The following GNL3L variants were observed in gnomAD, a reference collection of about 807,000 sequenced individuals.
GNL3L encodes the protein G protein nucleolar 3 like.
A neutral mutation model predicts 42.9 loss-of-function variants in GNL3L; 4 were observed. The observed-to-expected ratio is 0.09, with a 90% CI of 0.05 to 0.21. GNL3L has a LOEUF of 0.21. Ranked by LOEUF, GNL3L falls within the 10% of genes least tolerant of loss-of-function variation. GNL3L has a pLI of 1.00. For missense variants in GNL3L, 412 were observed against 481.7 expected (o/e 0.86, Z 1.36); for synonymous variants, 159 against 176.3 (o/e 0.90, Z 0.78).
intron 16 of GNL3L, among the ~76,000 whole-genome samples, chrX:54,609,163 A>G (rs1454680987): frequency 8.9e-6 from 1 of 111,771 alleles, no homozygotes; most frequent in Non-Finnish European, 1.9e-5. Context: ...TCTTTTGAGA[A>G]TTGTCTATTC....
At chrX:54,537,492 C>T (rs1168791290) in intron 2 of GNL3L, among the ~76,000 whole-genome samples, 1 of 111,960 alleles carries the variant, frequency 8.9e-6, no homozygotes, top group Non-Finnish European at 1.9e-5. Context: ...CTCTATTGTC[C>T]ATTTTTTCTT....
chrX:54,552,241 A>G (rs748832189), intron 12 of GNL3L, 51 bp from the exon 13 acceptor site: 22 of 1,171,722 alleles, frequency 1.9e-5, no homozygotes, highest in Non-Finnish European at 2.3e-5. Context: ...TTGGATTGTC[A>G]TTGGTTCTCT....
chrX:54,577,805 A>G (rs1925656560), intron 16 of GNL3L, among the ~76,000 whole-genome samples: 1 of 109,965 alleles, frequency 9.1e-6, no homozygotes, highest in African/African-American at 3.3e-5. Context: ...CAGTGGCATG[A>G]TCTTGGCTTC....
intron 16 of GNL3L, among the ~76,000 whole-genome samples, chrX:54,589,435 C>T (rs1380642035): frequency 9.0e-6 from 1 of 110,614 alleles, no homozygotes; most frequent in Non-Finnish European, 1.9e-5. Flanking sequence ...CTCTCTATGT[C>T]GATGAGTTCA....
rs1182251979 is a variant in GNL3L at position 54,560,346 on chromosome X, A to C, written c.1667-174A>C. 5.4e-5 allele frequency among the ~76,000 whole-genome samples: 6 copies of C among 111,850 alleles called. No individual in the cohort carries two copies. In the Admixed American group the frequency reaches 5.7e-4, roughly 11 times the overall value. On this transcript the variant is annotated intron_variant, in intron 15 of 15. Transcript: ENST00000360845. ...TCACAGATAGAAAAATGGATTGTCT[A>C]CCTGTGAAGCTGAGCAGTGGCTTCC... is the stretch of plus-strand genomic sequence containing the variant.
At chrX:54,589,803 G>A (rs56376026) in intron 16 of GNL3L, among the ~76,000 whole-genome samples, 14,243 of 110,674 alleles carry the variant, frequency 0.13, 1,380 homozygotes, top group African/African-American at 0.33. Context: ...AGTTTTTTGA[G>A]GAACTTCCAA....
rs1368449972 is a variant in GNL3L at position 54,597,978 on chromosome X, T to G, written c.*46-22867T>G. ...CTGTTTTTGCTACCTTTTCAGTGCCTGTTTCAGCAATATGAAATTAAAACC... is the reference window on the plus strand; with the variant it reads ...CTGTTTTTGCTACCTTTTCAGTGCCGGTTTCAGCAATATGAAATTAAAACC... On this transcript the variant is annotated intron_variant, in intron 16 of 16. Transcript: ENST00000674498. Among the ~76,000 whole-genome samples, 5 of 111,097 alleles carry G rather than the reference T, an allele frequency of 4.5e-5. No individual in the cohort carries two copies. In the East Asian group the frequency reaches 1.4e-3, roughly 31 times the overall value.
chrX:54,567,227 GA>G lies in GNL3L; in HGVS notation c.*6626del, dbSNP rs1925457606. ...GTAGCTTTTTTTGCAGATTTAACCA[GA>G]CTTTCTACATAGACAATCATATCTT... On this transcript the variant is annotated 3_prime_UTR_variant, in exon 16 of 16. Coordinates refer to ENST00000360845, the MANE Select transcript of GNL3L (RefSeq NM_001184819.2). Among the ~76,000 whole-genome samples the G allele has an allele frequency of 8.9e-6, 1 of 111,740 alleles. No homozygotes were observed. The highest frequency in any genetic ancestry group is 3.2e-5 in the African/African-American group (1 of 30,787).
chrX:54,562,464 C>G lies in GNL3L; in HGVS notation c.*1862C>G, dbSNP rs1438768488. Among the ~76,000 whole-genome samples, 2 of 111,271 alleles carry G rather than the reference C, an allele frequency of 1.8e-5. No homozygotes were observed. Among genetic ancestry groups the G allele is most frequent in the African/African-American group, 6.5e-5 (2 of 30,607 alleles). On this transcript the variant is annotated 3_prime_UTR_variant, in exon 16 of 16. Transcript: ENST00000360845. ...GGAGTGCCATTGGCTGTGGACTGTTCAGGCAGGGAAGTACAAGACCACTCT... is the reference window on the plus strand; with the variant it reads ...GGAGTGCCATTGGCTGTGGACTGTTGAGGCAGGGAAGTACAAGACCACTCT...
chrX:54,537,904 C>T (rs934538861), intron 2 of GNL3L, among the ~76,000 whole-genome samples: 2 of 111,009 alleles, frequency 1.8e-5, no homozygotes, highest in African/African-American at 6.6e-5. Flanking sequence ...CCACGGCACC[C>T]AGCTTTTGAA....
At chrX:54,604,074 GCTA>G (rs1926031061) in intron 16 of GNL3L, among the ~76,000 whole-genome samples, 1 of 111,078 alleles carries the variant, frequency 9.0e-6, no homozygotes, top group African/African-American at 3.3e-5. Context: ...GGAGGTCGAG[GCTA>G]CAAGTGAGCT....
In GNL3L at chrX:54,566,522, T is replaced by G. The variant is rs1925432511; in HGVS notation, c.*5920T>G. Among the ~76,000 whole-genome samples, 1 of 112,378 alleles carries G rather than the reference T, an allele frequency of 8.9e-6. No homozygotes were observed. Among genetic ancestry groups the G allele is most frequent in the African/African-American group, 3.2e-5 (1 of 30,921 alleles). ...CTGGCGACTGCCATGCTACTTTCTG[T>G]CTCTGAATTTGAATACCCTGATAGT... On this transcript the variant is annotated 3_prime_UTR_variant, in exon 16 of 16. Coordinates refer to ENST00000360845, the MANE Select transcript of GNL3L (RefSeq NM_001184819.2).
At chrX:54,530,706 C>T (rs1053516918) in intron 1 of GNL3L, among the ~76,000 whole-genome samples, 1 of 111,876 alleles carries the variant, frequency 8.9e-6, no homozygotes, top group Non-Finnish European at 1.9e-5. Flanking sequence ...GGACATCCAC[C>T]CCAACCGTGT....
rs765459578 is a variant in GNL3L, at chrX:54,551,935, A to T, written c.1142A>T (p.Gln381Leu). Residue 381 changes from glutamine to leucine, a missense_variant, in exon 12 of 16, where the codon CAG becomes CTG. Physicochemically the swap from Gln to Leu is moderately radical, Grantham distance 113. Transcript: ENST00000360845. ...GKKKKGGLYS[Q>L]EQAAKAVLAD... is the part of the protein sequence containing the mutation. ...AAGAAGAAGGGAGGCTTATATAGTC[A>T]GGAACAGGCGGCCAAAGCTGTCCTA... The T allele has an allele frequency of 8.3e-7, 1 of 1,212,085 alleles. No individual in the cohort carries two copies. The highest frequency in any genetic ancestry group is 2.2e-5 in the Admixed American group (1 of 46,093).
At chrX:54,556,900 G>GC in intron 14 of GNL3L, among the ~76,000 whole-genome samples, 1 of 111,070 alleles carries the variant, frequency 9.0e-6, no homozygotes, top group Non-Finnish European at 1.9e-5. Context: ...TGGAACCGAG[G>GC]CCGGGCGCGG....
rs183625335 is a variant in GNL3L, at chrX:54,561,833, G to A, written c.*1231G>A. On this transcript the variant is annotated 3_prime_UTR_variant, in exon 16 of 16. Coordinates refer to ENST00000360845, the MANE Select transcript of GNL3L (RefSeq NM_001184819.2). The stretch of plus-strand genomic sequence containing the variant: ...TCACCTCATTAAAGTATAATTAGCT[G>A]TCTCCTCTGGGAGATCCTACCCCAT... Among the ~76,000 whole-genome samples the A allele has an allele frequency of 5.1e-4, 57 of 111,601 alleles. No homozygotes were observed. Among genetic ancestry groups the A allele is most frequent in the Admixed American group, 9.5e-4 (10 of 10,496 alleles).
In GNL3L at chrX:54,564,483, C is replaced by T. The variant is rs961342095; in HGVS notation, c.*3881C>T. 1.4e-3 allele frequency among the ~76,000 whole-genome samples: 140 copies of T among 100,260 alleles called. No individual in the cohort carries two copies. The highest frequency in any genetic ancestry group is 1.6e-3 in the Non-Finnish European group (81 of 50,437). The allele number at this position is 100,260 out of a possible 115,157, so 87.1% of individuals were successfully genotyped here. ...GGTGCAGTGGCGTGATCTCGGTTCA[C>T]TGCAACCTCCGCCTCCAGGGTTCAA... On this transcript the variant is annotated 3_prime_UTR_variant, in exon 16 of 16. Transcript: ENST00000360845.
At chrX:54,600,993 A>G (rs1168095823) in intron 16 of GNL3L, among the ~76,000 whole-genome samples, 1 of 112,594 alleles carries the variant, frequency 8.9e-6, no homozygotes, top group Non-Finnish European at 1.9e-5. Context: ...TGGTATATCC[A>G]TACAATGGAA....
chrX:54,541,819 A>C (rs181124474), intron 5 of GNL3L, among the ~76,000 whole-genome samples: 85 of 111,662 alleles, frequency 7.6e-4, no homozygotes, highest in African/African-American at 2.6e-3. Flanking sequence ...TTTCACACAC[A>C]GAATACACGC....
Sources: gnomAD v4.1 joint callset for allele counts (sites outside exome capture counted in the v4.1 genomes callset) on GRCh38, gnomAD v4.1.1 for gene constraint, MANE v1.5 for transcripts, NCBI Gene and HGNC (gene_info 2026-07-23, HGNC 2026-07-21) for gene names.